Variants in AMBN observed in about 807,000 individuals in gnomAD.
AMBN encodes enamel matrix protein.
Under a neutral mutation model 48.0 loss-of-function variants are expected in AMBN, and 54 were observed. The observed-to-expected ratio is 1.12, with a 90% CI of 0.90 to 1.41. The LOEUF (loss-of-function observed/expected upper bound fraction) is 1.41, where lower values mean the gene tolerates loss of function less well. Ranked by LOEUF, AMBN falls within the 40% of genes most tolerant of loss-of-function variation. AMBN has a pLI of 0.00. For missense variants in AMBN, 571 were observed against 547.3 expected, an observed-to-expected ratio of 1.04 and a Z score of -0.43; for synonymous variants, 186 against 190.0, an observed-to-expected ratio of 0.98 and a Z score of 0.17.
rs762338094 is a variant in AMBN at position 70,601,549 on chromosome 4, A to C, written c.426A>C (p.Glu142Asp). The C allele has an allele frequency of 6.2e-7, 1 of 1,614,210 alleles. No homozygotes were observed. The highest frequency in any genetic ancestry group is 2.2e-5 in the East Asian group (1 of 44,886). ...CCAACCAGGCCACAGCACTGAAAGA[A>C]GCACTTCAGCCTCCAATTCACCTGG... ...ATTNQATALK[E>D]ALQPPIHLGH... Residue 142 changes from glutamate to aspartate, a missense_variant, in exon 6 of 13, where the codon GAA (glutamate) becomes GAC (aspartate). By Grantham distance (45) the Glu-to-Asp change is conservative. Transcript: ENST00000322937.
chr4:70,606,090 T>C, intron 12 of AMBN, 95 bp from the exon 13 acceptor site: 1 of 1,430,026 alleles, frequency 7.0e-7, no homozygotes, highest in Non-Finnish European at 9.5e-7. Flanking sequence ...CCACCAGTTT[T>C]TTAGAGATCC....
In AMBN at chr4:70,592,342, C is replaced by G; in HGVS notation, c.-17C>G. The G allele has an allele frequency of 6.2e-7, 1 of 1,613,852 alleles. No individual in the cohort carries two copies. The highest frequency in any genetic ancestry group is 8.5e-7 in the Non-Finnish European group (1 of 1,179,800). On this transcript the variant is annotated 5_prime_UTR_variant, in exon 1 of 13. Transcript: ENST00000322937. Reference sequence around the variant, plus strand: ...AACTATCTTGGTTGGCATCATCAGGCCCTGAGAGCACAGTGCATGTCAGCA... The same window carrying G: ...AACTATCTTGGTTGGCATCATCAGGGCCTGAGAGCACAGTGCATGTCAGCA...
intron 6 of AMBN, 120 bp downstream of exon 6, chr4:70,601,774 T>G (rs143597176): frequency 1.1e-6 from 1 of 895,696 alleles, no homozygotes; most frequent in Non-Finnish European, 1.8e-6. Flanking sequence ...TATAAATATA[T>G]TCTTAATCAG....
At chr4:70,593,474 G>C in intron 2 of AMBN, 79 bp downstream of exon 2, 12 of 1,181,624 alleles carry the variant, frequency 1.0e-5, no homozygotes, top group Non-Finnish European at 1.5e-5. Context: ...GATATGGACT[G>C]AGAGTCCACG....
At position 70,606,465 on chromosome 4, in the gene AMBN, A is replaced by G. The variant is rs779675904; in HGVS notation, c.1079A>G (p.Asp360Gly). 2 of 1,613,990 alleles carry G rather than the reference A, an allele frequency of 1.2e-6. No homozygotes were observed. The highest frequency in any genetic ancestry group is 2.2e-5 in the East Asian group (1 of 44,812). The change falls in exon 13 of 13, where the codon GAC becomes GGC. Residue 360 changes from aspartate to glycine, a missense_variant. Transcript: ENST00000322937. ...GGGCTCCTTGCTCTCCCTAAGGATGACATTCCCGGCCTGCCAAGGAGCCCT... is the reference window on the plus strand; with the variant it reads ...GGGCTCCTTGCTCTCCCTAAGGATGGCATTCCCGGCCTGCCAAGGAGCCCT... ...HAGLLALPKD[D>G]IPGLPRSPSG...
In AMBN at chr4:70,600,098, G is replaced by A. The variant is rs112651555; in HGVS notation, c.294+452G>A. On this transcript the variant is annotated intron_variant, in intron 5 of 12. Coordinates refer to ENST00000322937, the MANE Select transcript of AMBN (RefSeq NM_016519.6). The stretch of plus-strand genomic sequence containing the variant: ...AAGGTGGGTGGATCACTTGAGGTCA[G>A]GAGTTCAAGACCAGCCTGGCCAACA... 5.1e-3 allele frequency among the ~76,000 whole-genome samples: 779 copies of A among 152,234 alleles called. 5 individuals carry two copies. Among genetic ancestry groups the A allele is most frequent in the African/African-American group, 0.016 (678 of 41,550 alleles).
rs923430210 is a variant in AMBN at position 70,606,804 on chromosome 4, A to G, written c.*74A>G. ...TGTCCCCACAGTGTACCTTTTTGCT[A>G]AAACACTTATTACCCTTCTGCAGCA... On this transcript the variant is annotated 3_prime_UTR_variant, in exon 13 of 13. Coordinates refer to ENST00000322937, the MANE Select transcript of AMBN (RefSeq NM_016519.6). The G allele has an allele frequency of 1.3e-6, 2 of 1,485,872 alleles. No homozygotes were observed. Among genetic ancestry groups the G allele is most frequent in the African/African-American group, 1.4e-5 (1 of 69,880 alleles). 92.0% of individuals were successfully genotyped at this position (1,485,872 alleles called of 1,614,324 possible).
At chr4:70,592,767 T>A (rs927043917) in intron 1 of AMBN, among the ~76,000 whole-genome samples, 1 of 152,086 alleles carries the variant, frequency 6.6e-6, no homozygotes, top group Admixed American at 6.5e-5. Flanking sequence ...TCCACTAACA[T>A]CAAAGAAAAT....
At chr4:70,601,248 C>T (rs1246606275) in intron 5 of AMBN, among the ~76,000 whole-genome samples, 170 bp from the exon 6 acceptor site, 1 of 152,124 alleles carries the variant, frequency 6.6e-6, no homozygotes, top group Non-Finnish European at 1.5e-5. Flanking sequence ...AAGACCTCCC[C>T]AAACAACATT....
rs188722316 is a variant in AMBN at position 70,592,829 on chromosome 4, G to A, written c.15+456G>A. 1.1e-3 allele frequency among the ~76,000 whole-genome samples: 167 copies of A among 152,216 alleles called. 1 individual carries two copies. Among genetic ancestry groups the A allele is most frequent in the African/African-American group, 3.8e-3 (158 of 41,540 alleles). ...AAAAGAAAAATTTTGTCATGGTTAC[G>A]TAGATTACCTAAACATGCAATGATG... On this transcript the variant is annotated intron_variant, in intron 1 of 12. Coordinates refer to ENST00000322937, the MANE Select transcript of AMBN (RefSeq NM_016519.6).
At chr4:70,595,935 T>C (rs1447463296) in intron 2 of AMBN, among the ~76,000 whole-genome samples, 1 of 152,138 alleles carries the variant, frequency 6.6e-6, no homozygotes, top group Admixed American at 6.5e-5. Flanking sequence ...GCAGGAGGAT[T>C]ACTTGAGCTC....
chr4:70,602,840 A>AG lies in AMBN; in HGVS notation c.609+5dup, dbSNP rs1737554192. 6.3e-7 allele frequency: 1 copy of AG among 1,587,820 alleles called. No individual in the cohort carries two copies. Among genetic ancestry groups the AG allele is most frequent in the Non-Finnish European group, 8.6e-7 (1 of 1,165,378 alleles). The stretch of plus-strand genomic sequence containing the variant: ...TCCTGATCCACAAGGTCCATCAGTA[A>AG]GTACAGATCTCAGTGAGACACTTCT... On this transcript the variant is annotated splice_donor_region_variant and intron_variant, in intron 8 of 12. Transcript: ENST00000322937.
intron 2 of AMBN, among the ~76,000 whole-genome samples, chr4:70,595,763 A>G (rs905362786): frequency 6.6e-6 from 1 of 152,196 alleles, no homozygotes; most frequent in Non-Finnish European, 1.5e-5. Context: ...AATTTACTCT[A>G]ATTCCTACTC....
rs759342902 is a variant in AMBN, at chr4:70,598,404, G to A, written c.183+1G>A. On this transcript the variant is annotated splice_donor_variant, in intron 4 of 12. Coordinates refer to ENST00000322937, the MANE Select transcript of AMBN (RefSeq NM_016519.6). LOFTEE classifies it high-confidence loss of function. ...GCAGAGATTAAACACACTTTCTCAGGTAATCATATTTCTTATTGCAAGTAT... is the reference window on the plus strand; with the variant it reads ...GCAGAGATTAAACACACTTTCTCAGATAATCATATTTCTTATTGCAAGTAT... 6.3e-7 allele frequency: 1 copy of A among 1,585,314 alleles called. No individual in the cohort carries two copies. Among genetic ancestry groups the A allele is most frequent in the Non-Finnish European group, 8.6e-7 (1 of 1,165,608 alleles).
intron 9 of AMBN, 117 bp from the exon 10 acceptor site, chr4:70,603,143 A>G (rs1011550269): frequency 2.2e-6 from 3 of 1,346,772 alleles, no homozygotes; most frequent in African/African-American, 3.0e-5. Context: ...TCTCTTAAAT[A>G]TTAAATACTT....
intron 1 of AMBN, among the ~76,000 whole-genome samples, chr4:70,592,850 T>C (rs1413424989): frequency 6.6e-6 from 1 of 152,204 alleles, no homozygotes; most frequent in Non-Finnish European, 1.5e-5. Flanking sequence ...AAACATGCAA[T>C]GATGTACCCT....
chr4:70,604,721 A>G (rs975656269), intron 12 of AMBN, among the ~76,000 whole-genome samples: 1 of 150,694 alleles, frequency 6.6e-6, no homozygotes, highest in African/African-American at 2.4e-5. Flanking sequence ...GGCTGGGCGC[A>G]GTGGCTCATG....
intron 12 of AMBN, 72 bp from the exon 13 acceptor site, chr4:70,606,113 A>G: frequency 6.6e-7 from 1 of 1,526,410 alleles, no homozygotes; most frequent in Non-Finnish European, 8.9e-7. Context: ...GGTGAATGTG[A>G]CCAGGTATAG....
rs113506649 is a variant in AMBN, at chr4:70,606,268, C to A, written c.882C>A (p.His294Gln). The A allele has an allele frequency of 3.1e-3, 4,983 of 1,614,104 alleles. 125 individuals carry two copies. The African/African-American group carries it at 0.057, about 18-fold the overall frequency. ...GGCCCGGCTTTGAGGGAATGCCCCA[C>A]AACCCAGCTATGGGCGGTGACTTCA... is the stretch of plus-strand genomic sequence containing the variant. ...GMRPGFEGMP[H>Q]NPAMGGDFTL... The change falls in exon 13 of 13, where the codon CAC becomes CAA. Residue 294 changes from histidine to glutamine, a missense_variant. Transcript: ENST00000322937.
Sources: allele counts gnomAD v4.1 joint callset (sites outside exome capture counted in the v4.1 genomes callset), GRCh38; gene constraint gnomAD v4.1.1; transcripts MANE v1.5; gene names NCBI Gene and HGNC (gene_info 2026-07-23, HGNC 2026-07-21).